PRSS3: variants seen among roughly 807,000 people sequenced by gnomAD.
The protein encoded by PRSS3 is trypsin-3.
PRSS3 carries 14 observed loss-of-function variants against 20.8 expected under a neutral mutation model. The ratio of observed to expected loss-of-function variants is 0.67; its 90% CI spans 0.44 to 1.05. The LOEUF (loss-of-function observed/expected upper bound fraction) is 1.05. PRSS3 is among the 50% of genes least tolerant of loss of function. PRSS3 has a pLI of 0.00. For synonymous variants in PRSS3, 91 were observed against 117.6 expected (o/e 0.77, Z 1.46); for missense variants, 237 against 306.4 (o/e 0.77, Z 1.69).
intron 1 of PRSS3, among the ~76,000 whole-genome samples, chr9:33,753,249 T>C (rs1304495222): frequency 6.6e-6 from 1 of 152,240 alleles, no homozygotes; most frequent in African/African-American, 2.4e-5. Flanking sequence ...TCTCATTTGG[T>C]ATATTTCATG....
chr9:33,759,666 T>C (rs1823097175), intron 1 of PRSS3, among the ~76,000 whole-genome samples: 1 of 152,176 alleles, frequency 6.6e-6, no homozygotes, highest in South Asian at 2.1e-4. Context: ...AACATCTGTA[T>C]GTTTATGTGC....
At chr9:33,794,739 A>AGT, upstream of PRSS3, 2 of 1,545,274 alleles carry the variant, frequency 1.3e-6, no homozygotes, top group Non-Finnish European at 1.7e-6. Flanking sequence ...CATCACCCTA[A>AGT]GTGCAGGTTG....
intron 1 of PRSS3, among the ~76,000 whole-genome samples, chr9:33,775,896 GT>G (rs1366638958): frequency 6.6e-6 from 1 of 151,876 alleles, no homozygotes; most frequent in Non-Finnish European, 1.5e-5. Flanking sequence ...TAGAGACAGG[GT>G]TTCACCATGT....
chr9:33,796,564 G>T (rs999156678), intron 1 of PRSS3, 79 bp from the exon 2 acceptor site: 3 of 1,575,216 alleles, frequency 1.9e-6, no homozygotes, highest in East Asian at 2.2e-5. Flanking sequence ...TTTCTAATTG[G>T]CAGGAAGCAA....
At chr9:33,771,635 T>C (rs1425439323) in intron 1 of PRSS3, among the ~76,000 whole-genome samples, 1 of 94,462 alleles carries the variant, frequency 1.1e-5, no homozygotes, top group African/African-American at 4.0e-5. Context: ...TTTTGTTTTT[T>C]TGTTTTTTTG....
At chr9:33,759,873 G>T (rs1215395560) in intron 1 of PRSS3, among the ~76,000 whole-genome samples, 1 of 152,192 alleles carries the variant, frequency 6.6e-6, no homozygotes, top group African/African-American at 2.4e-5. Flanking sequence ...AAAGTGGAAG[G>T]CCCAGCCTCT....
At chr9:33,752,748 T>C (rs1822754010) in intron 1 of PRSS3, among the ~76,000 whole-genome samples, 1 of 152,198 alleles carries the variant, frequency 6.6e-6, no homozygotes, top group African/African-American at 2.4e-5. Flanking sequence ...TTTATCTCTC[T>C]TTTCTGTTCT....
In PRSS3 at chr9:33,781,062, C is replaced by A. The variant is rs574186292; in HGVS notation, c.-52-13684C>A. Among the ~76,000 whole-genome samples, 6 of 152,272 alleles carry A rather than the reference C, an allele frequency of 3.9e-5. No homozygotes were observed. In the East Asian group the frequency reaches 1.2e-3, roughly 29 times the overall value. On this transcript the variant is annotated intron_variant, in intron 1 of 5. Transcript: ENST00000342836. The stretch of plus-strand genomic sequence containing the variant: ...AATAGACAAATACAGAACACTCCAC[C>A]CAAAAGGAATGCTTATACATTGTTG...
chr9:33,783,967 C>A (rs1687792086), intron 1 of PRSS3, among the ~76,000 whole-genome samples: 2 of 150,586 alleles, frequency 1.3e-5, no homozygotes, highest in South Asian at 2.1e-4. Flanking sequence ...ATTTCTAGAA[C>A]ATGTACCAAA....
At chr9:33,772,589 G>A (rs1304675364) in intron 1 of PRSS3, among the ~76,000 whole-genome samples, 2 of 152,034 alleles carry the variant, frequency 1.3e-5, no homozygotes, top group African/African-American at 2.4e-5. Context: ...ACGGAGTTTC[G>A]CTCTTGTCGC....
In PRSS3 at chr9:33,760,745, C is replaced by CAA. The variant is rs61678518; in HGVS notation, c.-53+10038_-53+10039dup. On this transcript the variant is annotated intron_variant, in intron 1 of 5. Transcript: ENST00000342836. ...TGGGGGACACAGCAAGACTCTGTCA[C>CAA]AAAAAAAAAAAAAAAAAAAAATTAG... Among the ~76,000 whole-genome samples, 537 of 101,336 alleles carry CAA rather than the reference C, an allele frequency of 5.3e-3. 10 individuals carry two copies. Among genetic ancestry groups the CAA allele is most frequent in the African/African-American group, 0.014 (333 of 24,368 alleles). 66.5% of individuals were successfully genotyped at this position (101,336 alleles called of 152,430 possible).
chr9:33,784,946 C>G (rs1269534095), intron 1 of PRSS3, among the ~76,000 whole-genome samples: 1 of 152,092 alleles, frequency 6.6e-6, no homozygotes, highest in Non-Finnish European at 1.5e-5. Context: ...TATTTAAGGT[C>G]TCTAGGTCTT....
chr9:33,767,491 T>A (rs1412153786), intron 1 of PRSS3, among the ~76,000 whole-genome samples: 1 of 151,456 alleles, frequency 6.6e-6, no homozygotes, highest in East Asian at 1.9e-4. Flanking sequence ...TAAAATGAGG[T>A]CATTAGGACA....
intron 1 of PRSS3, among the ~76,000 whole-genome samples, chr9:33,751,859 A>T (rs1438252623): frequency 1.3e-5 from 2 of 152,220 alleles, no homozygotes; most frequent in African/African-American, 4.8e-5. Context: ...CAGTGGCGTC[A>T]GACTTAGCTC....
At chr9:33,788,497 T>A (rs1048964666) in intron 1 of PRSS3, among the ~76,000 whole-genome samples, 2 of 152,240 alleles carry the variant, frequency 1.3e-5, no homozygotes, top group African/African-American at 4.8e-5. Flanking sequence ...ACAATTCAAT[T>A]TCAAGAGCAC....
intron 1 of PRSS3, among the ~76,000 whole-genome samples, chr9:33,754,188 T>C (rs1178506014): frequency 6.6e-6 from 1 of 152,074 alleles, no homozygotes; most frequent in Non-Finnish European, 1.5e-5. Context: ...TTCTCTTGCC[T>C]CAGCCTCCAA....
intron 1 of PRSS3, among the ~76,000 whole-genome samples, chr9:33,785,344 A>G (rs1450040615): frequency 6.7e-6 from 1 of 149,982 alleles, no homozygotes; most frequent in Non-Finnish European, 1.5e-5. Flanking sequence ...CGCCCGGCTA[A>G]TTTTTTGTAT....
At chr9:33,772,728 C>T (rs1823762536) in intron 1 of PRSS3, among the ~76,000 whole-genome samples, 2 of 151,978 alleles carry the variant, frequency 1.3e-5, no homozygotes. Flanking sequence ...TTCATTCAAA[C>T]ACGTGGTTGG....
intron 1 of PRSS3, among the ~76,000 whole-genome samples, chr9:33,773,834 C>A (rs1429553210): frequency 1.3e-5 from 2 of 152,142 alleles, no homozygotes; most frequent in Non-Finnish European, 2.9e-5. Flanking sequence ...AGACAGGGGT[C>A]TCACTATGTT....
Sources: gnomAD v4.1 joint callset for allele counts (sites outside exome capture counted in the v4.1 genomes callset) on GRCh38, gnomAD v4.1.1 for gene constraint, MANE v1.5 for transcripts, NCBI Gene and HGNC (gene_info 2026-07-23, HGNC 2026-07-21) for gene names.